Variants in GHR observed in about 807,000 individuals in gnomAD.
The protein encoded by GHR is GH receptor.
GHR carries 35 observed loss-of-function variants against 67.1 expected under a neutral mutation model. The ratio of observed to expected loss-of-function variants is 0.52; its 90% CI spans 0.40 to 0.69. The LOEUF is 0.69. GHR is among the 30% of genes least tolerant of loss of function. GHR has a pLI of 0.00. For missense variants in GHR, 792 were observed against 764.6 expected (o/e 1.04, Z -0.42); for synonymous variants, 272 against 269.1 (o/e 1.01, Z -0.10).
rs575074536 is a variant in GHR at position 42,702,363 on chromosome 5, A to T, written c.618+2361A>T. Among the ~76,000 whole-genome samples, 10 of 152,166 alleles carry T rather than the reference A, an allele frequency of 6.6e-5. No individual in the cohort carries two copies. In the South Asian group the frequency reaches 2.1e-3, roughly 32 times the overall value. On this transcript the variant is annotated intron_variant, in intron 6 of 9. Coordinates refer to ENST00000230882, the MANE Select transcript of GHR (RefSeq NM_000163.5). ...ATCCTCCAGGTTCATCCACATTGTC[A>T]CAAGTGACAGGATATCCTTCTTTTT...
intron 1 of GHR, among the ~76,000 whole-genome samples, chr5:42,485,246 C>T (rs1745825506): frequency 6.6e-6 from 1 of 152,180 alleles, no homozygotes; most frequent in Admixed American, 6.5e-5. Context: ...TACCCTTTAC[C>T]TCTATGGTCT....
intron 1 of GHR, chr5:42,467,381 C>T (rs542307445): frequency 5.2e-6 from 5 of 964,096 alleles, no homozygotes; most frequent in South Asian, 1.3e-5. Context: ...TCGTTACAGG[C>T]AGAGGGCTTC....
intron 6 of GHR, among the ~76,000 whole-genome samples, chr5:42,702,605 T>C (rs1757982800): frequency 1.3e-5 from 2 of 152,110 alleles, no homozygotes; most frequent in Admixed American, 1.3e-4. Context: ...TTTTTAATCT[T>C]TTGAGGAAGC....
At chr5:42,677,137 G>C (rs1329995226) in intron 3 of GHR, among the ~76,000 whole-genome samples, 1 of 152,116 alleles carries the variant, frequency 6.6e-6, no homozygotes, top group Admixed American at 6.5e-5. Flanking sequence ...TTTTGGCTCA[G>C]AATGCTGGAA....
At chr5:42,471,716 C>T (rs555399232) in intron 1 of GHR, among the ~76,000 whole-genome samples, 126 of 152,162 alleles carry the variant, frequency 8.3e-4, no homozygotes, top group Non-Finnish European at 1.7e-3. Context: ...AAGTACTATA[C>T]GTCTTTGTTT....
intron 1 of GHR, among the ~76,000 whole-genome samples, chr5:42,531,321 A>C (rs1366760518): frequency 6.6e-6 from 1 of 152,088 alleles, no homozygotes; most frequent in Non-Finnish European, 1.5e-5. Context: ...TTCTGTTTCT[A>C]AGGAATTCTC....
At chr5:42,605,582 G>A (rs1752593219) in intron 2 of GHR, among the ~76,000 whole-genome samples, 1 of 152,182 alleles carries the variant, frequency 6.6e-6, no homozygotes. Context: ...TCTCCTCAGG[G>A]ATAAGCTGGG....
intron 1 of GHR, among the ~76,000 whole-genome samples, chr5:42,463,307 G>A (rs1440211869): frequency 3.3e-5 from 5 of 152,116 alleles, no homozygotes; most frequent in South Asian, 4.1e-4. Flanking sequence ...TCAATGATAC[G>A]ACTTCAGGGA....
chr5:42,701,076 G>A (rs1262684398), intron 6 of GHR, among the ~76,000 whole-genome samples: 1 of 152,174 alleles, frequency 6.6e-6, no homozygotes, highest in Non-Finnish European at 1.5e-5. Flanking sequence ...GGTTCTCAAA[G>A]TGGGAGCCAC....
Position 42,629,578 on chromosome 5 carries a change from T to C in GHR, c.136+475T>C, listed in dbSNP as rs1753851837. ...CAGATGCTAATACAGCCTGCAGAAC[T>C]GTGAGCCATTTAAATCATTTTTCTT... On this transcript the variant is annotated intron_variant, in intron 3 of 9. Coordinates refer to ENST00000230882, the MANE Select transcript of GHR (RefSeq NM_000163.5). 1.5e-5 allele frequency among the ~76,000 whole-genome samples: 2 copies of C among 132,388 alleles called. 1 individual carries two copies. The highest frequency in any genetic ancestry group is 6.4e-5 in the African/African-American group (2 of 31,400). The allele number at this position is 132,388 out of a possible 152,430, so 86.9% of individuals were successfully genotyped here. A position where few individuals can be genotyped will look rare whatever the true frequency, so the allele number is the denominator to read the frequency against.
At chr5:42,483,409 G>A (rs1157955441) in intron 1 of GHR, among the ~76,000 whole-genome samples, 2 of 151,664 alleles carry the variant, frequency 1.3e-5, no homozygotes, top group Non-Finnish European at 2.9e-5. Flanking sequence ...AGGAGCCTGA[G>A]CTTGGTGAAT....
intron 1 of GHR, among the ~76,000 whole-genome samples, chr5:42,465,171 T>C (rs907713713): frequency 1.1e-4 from 16 of 152,202 alleles, no homozygotes; most frequent in African/African-American, 3.6e-4. Context: ...TTGGAACAAG[T>C]ATCTGAGTCA....
At chr5:42,602,582 C>A (rs1752431990) in intron 2 of GHR, among the ~76,000 whole-genome samples, 1 of 152,006 alleles carries the variant, frequency 6.6e-6, no homozygotes, top group Non-Finnish European at 1.5e-5. Flanking sequence ...GTTTATAATT[C>A]TTTTTTCTCT....
chr5:42,565,359 C>T (rs935373366), intron 1 of GHR: 1 of 615,008 alleles, frequency 1.6e-6, no homozygotes, highest in East Asian at 1.4e-4. Context: ...TAGGATGGCT[C>T]ATTAGCAACT....
chr5:42,441,662 A>T (rs1329531963), intron 1 of GHR, among the ~76,000 whole-genome samples: 7 of 152,018 alleles, frequency 4.6e-5, no homozygotes, highest in Non-Finnish European at 1.5e-5. Flanking sequence ...GGTGCCCTCC[A>T]CCACGCCCAG....
At chr5:42,695,146 G>A (rs1369786967) in intron 5 of GHR, 57 bp downstream of exon 5, 5 of 1,179,996 alleles carry the variant, frequency 4.2e-6, no homozygotes, top group South Asian at 1.2e-5. Context: ...AAATGGGGAA[G>A]CCTGCAAGGT....
chr5:42,540,216 TC>T (rs1748444256), intron 1 of GHR, among the ~76,000 whole-genome samples: 2 of 151,946 alleles, frequency 1.3e-5, no homozygotes, highest in Non-Finnish European at 2.9e-5. Flanking sequence ...TCTCTCTCTC[TC>T]TCTGTATCTC....
intron 3 of GHR, among the ~76,000 whole-genome samples, chr5:42,668,055 G>T (rs940966666): frequency 1.3e-5 from 2 of 152,122 alleles, no homozygotes. Flanking sequence ...CAAATATCAT[G>T]TCATTTTTAT....
chr5:42,477,542 C>G (rs1286766878), intron 1 of GHR, among the ~76,000 whole-genome samples: 1 of 152,196 alleles, frequency 6.6e-6, no homozygotes, highest in African/African-American at 2.4e-5. Flanking sequence ...TCTCCAGCAC[C>G]TGTTGTTTCC....
Sources: gnomAD v4.1 joint callset for allele counts (sites outside exome capture counted in the v4.1 genomes callset) on GRCh38, gnomAD v4.1.1 for gene constraint, MANE v1.5 for transcripts, NCBI Gene and HGNC (gene_info 2026-07-23, HGNC 2026-07-21) for gene names.